The following CEP350 variants were observed in gnomAD, a reference collection of about 807,000 sequenced individuals.
CEP350 encodes the protein centrosome-associated protein 350.
In CEP350, 126 loss-of-function variants were observed where a neutral mutation model predicts 331.8. That is an observed-to-expected ratio of 0.38 (90% CI 0.33 to 0.44). The LOEUF is 0.44. Among genes scored for constraint, CEP350 ranks in the 20% least tolerant of loss-of-function variants. CEP350 has a pLI of 1.00. For synonymous variants in CEP350, 1,200 were observed against 1,259.5 expected, an observed-to-expected ratio of 0.95 and a Z score of 1.00; for missense variants, 3,406 against 3,634.6, an observed-to-expected ratio of 0.94 and a Z score of 1.62.
intron 6 of CEP350, among the ~76,000 whole-genome samples, chr1:179,998,449 G>C (rs1359028538): frequency 6.6e-6 from 1 of 151,370 alleles, no homozygotes; most frequent in African/African-American, 2.4e-5. Flanking sequence ...GGGATTACAG[G>C]CACCCACCAC....
chr1:180,081,819 G>A (rs938930091), intron 30 of CEP350, among the ~76,000 whole-genome samples: 17 of 152,170 alleles, frequency 1.1e-4, no homozygotes, highest in Admixed American at 1.1e-3. Context: ...ATTTATGTGT[G>A]TGTTTATCAT....
At chr1:180,042,336 A>T (rs1167845423) in intron 19 of CEP350, among the ~76,000 whole-genome samples, 1 of 152,230 alleles carries the variant, frequency 6.6e-6, no homozygotes, top group Non-Finnish European at 1.5e-5. Flanking sequence ...TAACGTGGGT[A>T]TAGCCCAAAG....
intron 8 of CEP350, among the ~76,000 whole-genome samples, chr1:180,008,774 A>G (rs950613791): frequency 2.0e-5 from 3 of 152,182 alleles, no homozygotes; most frequent in Admixed American, 2.0e-4. Flanking sequence ...AAGTATGATT[A>G]GTGCTGCGGT....
intron 22 of CEP350, among the ~76,000 whole-genome samples, chr1:180,049,567 CAG>C (rs1334579991): frequency 3.8e-5 from 5 of 132,614 alleles, no homozygotes; most frequent in African/African-American, 5.8e-5. Flanking sequence ...TTTTTTGAGA[CAG>C]AGTCTTGTTC....
In CEP350 at chr1:180,093,064, A is replaced by G. The variant is rs762059980; in HGVS notation, c.6959A>G (p.Glu2320Gly). Reference sequence around the variant, plus strand: ...AAAGACCTAGTTGGATTAGCTATTGAAAATCTCCATAAAAGTGAGGAAATG... The same window carrying G: ...AAAGACCTAGTTGGATTAGCTATTGGAAATCTCCATAAAAGTGAGGAAATG... ...VQKDLVGLAI[E>G]NLHKSEEMLK... The change falls in exon 34 of 38, where the codon GAA becomes GGA. Residue 2320 changes from glutamate to glycine, a missense_variant. Physicochemically the swap from Glu to Gly is moderately conservative, Grantham distance 98 (BLOSUM62 -2). Transcript: ENST00000367607. 5 of 1,606,186 alleles carry G rather than the reference A, an allele frequency of 3.1e-6. No individual in the cohort carries two copies. The highest frequency in any genetic ancestry group is 4.3e-6 in the Non-Finnish European group (5 of 1,175,724).
At chr1:180,030,321 A>G (rs867544068) in intron 14 of CEP350, among the ~76,000 whole-genome samples, 1 of 116,144 alleles carries the variant, frequency 8.6e-6, no homozygotes, top group Non-Finnish European at 1.9e-5. Context: ...ATATGTATAT[A>G]TATACATATG....
intron 30 of CEP350, among the ~76,000 whole-genome samples, chr1:180,081,762 TGTA>T (rs1659581454): frequency 1.3e-5 from 2 of 152,164 alleles, no homozygotes; most frequent in Non-Finnish European, 2.9e-5. Context: ...ATAGAAAAGG[TGTA>T]GTAAAAATAT....
rs770082253 is a variant in CEP350 at position 180,094,289 on chromosome 1, C to A, written c.8184C>A (p.Asn2728Lys). ...PLLDLLTREK[N>K]QLEAQLKSSL... ...TGGATCTTTTAACAAGAGAAAAAAA[C>A]CAACTGGAAGCCCAGCTGAAGTCAT... The change falls in exon 34 of 38, where the codon AAC becomes AAA. Residue 2728 changes from asparagine to lysine, a missense_variant. Asn to Lys is a moderately conservative substitution (Grantham distance 94, BLOSUM62 0). Transcript: ENST00000367607. 5.0e-6 allele frequency: 8 copies of A among 1,613,648 alleles called. No homozygotes were observed. In the East Asian group the frequency reaches 6.7e-5, roughly 13 times the overall value.
In CEP350 at chr1:180,084,082, A is replaced by G. The variant is rs1356811726; in HGVS notation, c.6189A>G (p.Lys2063=). The G allele has an allele frequency of 5.0e-6, 8 of 1,601,540 alleles. No individual in the cohort carries two copies. The African/African-American group carries it at 5.4e-5, about 11-fold the overall frequency. ...RIRALKDELR[K]RKSVVNQLKK... ...GAGCTCTGAAGGATGAGTTGCGGAA[A>G]AGAAAATCAGTTGTGAACCAGCTGA... is the stretch of plus-strand genomic sequence containing the variant. The change falls in exon 31 of 38, where the codon AAA becomes AAG. Residue 2063 remains lysine, a synonymous_variant. Transcript: ENST00000367607.
chr1:179,977,584 A>G (rs1256383129), intron 1 of CEP350, among the ~76,000 whole-genome samples: 5 of 152,180 alleles, frequency 3.3e-5, no homozygotes, highest in African/African-American at 1.2e-4. Context: ...AGCTATTTGC[A>G]GATAATTGAA....
At chr1:180,062,513 T>C in intron 26 of CEP350, 147 bp downstream of exon 26, 1 of 1,142,962 alleles carries the variant, frequency 8.7e-7, no homozygotes, top group South Asian at 2.5e-5. Flanking sequence ...CCAGTCTTAG[T>C]CCATTTTCTG....
At chr1:179,977,849 T>C (rs1050663840) in intron 1 of CEP350, among the ~76,000 whole-genome samples, 3 of 151,838 alleles carry the variant, frequency 2.0e-5, no homozygotes, top group African/African-American at 7.2e-5. Context: ...AAAACAAATA[T>C]ACAGCTGTAC....
At chr1:180,100,574 A>G (rs1158592369) in intron 37 of CEP350, among the ~76,000 whole-genome samples, 2 of 152,164 alleles carry the variant, frequency 1.3e-5, no homozygotes, top group Non-Finnish European at 2.9e-5. Flanking sequence ...ACAGACACAG[A>G]CCCCACCTTC....
At chr1:180,013,758 T>C (rs1654799955) in intron 9 of CEP350, 89 bp from the exon 10 acceptor site, 2 of 1,180,364 alleles carry the variant, frequency 1.7e-6, no homozygotes, top group Non-Finnish European at 2.4e-6. Context: ...TAAGATAAAA[T>C]GAAATTCTCT....
intron 8 of CEP350, 27 bp downstream of exon 8, chr1:180,006,594 TTTTTTTTG>T: frequency 9.3e-7 from 1 of 1,079,380 alleles, no homozygotes; most frequent in Middle Eastern, 2.0e-4. Context: ...TGTCCATCCT[TTTTTTTTG>T]TTTTTAATTA....
intron 17 of CEP350, among the ~76,000 whole-genome samples, chr1:180,040,299 A>G (rs903367423): frequency 6.6e-6 from 1 of 152,092 alleles, no homozygotes; most frequent in African/African-American, 2.4e-5. Context: ...ATTGTAGTGG[A>G]GGGCCATCCT....
In CEP350 at chr1:179,997,068, A is replaced by G; in HGVS notation, c.911A>G (p.Gln304Arg). 1.2e-6 allele frequency: 2 copies of G among 1,614,070 alleles called. No homozygotes were observed. Among genetic ancestry groups the G allele is most frequent in the Non-Finnish European group, 1.7e-6 (2 of 1,179,902 alleles). ...EHSEETNGRG[Q>R]KLGHIDHPVM... is the part of the protein sequence containing the mutation. ...TCAGAAGAAACAAATGGCCGGGGCC[A>G]GAAGCTGGGTCATATTGACCATCCA... The change falls in exon 6 of 38, where the codon CAG becomes CGG. Residue 304 changes from glutamine (Q) to arginine (R), a missense_variant. This residue lies in a region of CEP350 where 1,857 missense variants were observed against 1,909.2 expected (regional missense o/e 0.97). Coordinates refer to ENST00000367607, the MANE Select transcript of CEP350 (RefSeq NM_014810.5).
Position 180,073,067 on chromosome 1 carries a change from T to C in CEP350, c.5568-1955T>C, listed in dbSNP as rs569660221. On this transcript the variant is annotated intron_variant, in intron 27 of 37. Coordinates refer to ENST00000367607, the MANE Select transcript of CEP350 (RefSeq NM_014810.5). ...TTCTTCTTACCTTTAACCTTATGATTGAGCTGTCCATATCAGGTTTTTTTT... is the reference window on the plus strand; with the variant it reads ...TTCTTCTTACCTTTAACCTTATGATCGAGCTGTCCATATCAGGTTTTTTTT... Among the ~76,000 whole-genome samples, 154 of 152,352 alleles carry C rather than the reference T, an allele frequency of 1.0e-3. 1 individual carries two copies. The highest frequency in any genetic ancestry group is 3.6e-3 in the African/African-American group (150 of 41,588).
At position 180,111,862 on chromosome 1, in the gene CEP350, G is replaced by T. The variant is rs950833560; in HGVS notation, c.*701G>T. 2.6e-5 allele frequency: 4 copies of T among 152,500 alleles called. No individual in the cohort carries two copies. The highest frequency in any genetic ancestry group is 9.7e-5 in the African/African-American group (4 of 41,404). The allele number at this position is 152,500 out of a possible 1,614,324, so 9.4% of individuals were successfully genotyped here. ...AAAGAAATGCCCCTACTGAAGACTG[G>T]GCTCAAAGGACCAATGCAGGGCTGG... On this transcript the variant is annotated 3_prime_UTR_variant, in exon 38 of 38. Transcript: ENST00000367607.
Sources: allele counts gnomAD v4.1 joint callset (sites outside exome capture counted in the v4.1 genomes callset), GRCh38; gene constraint gnomAD v4.1.1; regional missense constraint gnomAD v4.1.1; transcripts MANE v1.5; gene names NCBI Gene and HGNC (gene_info 2026-07-23, HGNC 2026-07-21).